Variants in WNT7A observed in about 807,000 individuals in gnomAD.
The protein encoded by WNT7A is protein Wnt-7a.
Under a neutral mutation model 28.2 loss-of-function variants are expected in WNT7A, and 16 were observed. The ratio of observed to expected loss-of-function variants is 0.57; its 90% CI spans 0.38 to 0.86. The LOEUF is 0.86. Ranked by LOEUF, WNT7A falls within the 40% of genes least tolerant of loss-of-function variation. The pLI, the probability that WNT7A is intolerant of heterozygous loss-of-function variation, is 0.00. For synonymous variants in WNT7A, 190 were observed against 195.9 expected (o/e 0.97, Z 0.25); for missense variants, 411 against 489.7 (o/e 0.84, Z 1.52).
chr3:13,868,759 A>AAAGAAAGAAAGG (rs1559307208), intron 2 of WNT7A, among the ~76,000 whole-genome samples: 6 of 135,820 alleles, frequency 4.4e-5, no homozygotes, highest in African/African-American at 1.9e-4. Flanking sequence ...GAAAGGAGGG[A>AAAGAAAGAAAGG]AGGGAAGGGA....
intron 2 of WNT7A, among the ~76,000 whole-genome samples, chr3:13,857,386 C>T (rs1559303547): frequency 6.6e-6 from 1 of 152,242 alleles, no homozygotes; most frequent in East Asian, 1.9e-4. Context: ...GATAGATCCT[C>T]GGGCAAAGAA....
At position 13,879,790 on chromosome 3, in the gene WNT7A, C is replaced by T. The variant is rs766370028; in HGVS notation, c.27G>A (p.Leu9=). ...TGCCCAGGCTGAGAAAGAGGTGGCC[C>T]AGGCAGCGCCGCGCTTTCCGGTTCA... MNRKARRC[L]GHLFLSLGMV... is the part of the protein sequence containing the mutation. The change falls in exon 1 of 4, where the codon CTG becomes CTA. Residue 9 remains leucine, a synonymous_variant. Transcript: ENST00000285018. 2.5e-6 allele frequency: 4 copies of T among 1,612,324 alleles called. No individual in the cohort carries two copies. The highest frequency in any genetic ancestry group is 3.4e-6 in the Non-Finnish European group (4 of 1,179,162).
At chr3:13,838,651 C>T (rs550384146) in intron 3 of WNT7A, among the ~76,000 whole-genome samples, 1 of 152,224 alleles carries the variant, frequency 6.6e-6, no homozygotes, top group South Asian at 2.1e-4. Context: ...CTGGTTGGAG[C>T]CCCCAAAGTT....
intron 3 of WNT7A, 32 bp downstream of exon 3, chr3:13,854,500 G>A (rs1694693717): frequency 6.2e-7 from 1 of 1,613,710 alleles, no homozygotes; most frequent in Non-Finnish European, 8.5e-7. Flanking sequence ...ATCTCCGCGA[G>A]CGCCGCCCAG....
At chr3:13,843,143 C>T (rs1694488555) in intron 3 of WNT7A, among the ~76,000 whole-genome samples, 1 of 152,228 alleles carries the variant, frequency 6.6e-6, no homozygotes, top group South Asian at 2.1e-4. Context: ...GCACACTCTA[C>T]AGCCAGCGAA....
At position 13,818,471 on chromosome 3, in the gene WNT7A, C is replaced by T. The variant is rs1007325145; in HGVS notation, c.*473G>A. Reference sequence around the variant, plus strand: ...CTGCAAAATCAGCTAGTAGAAATATCTGCATAAAGAATAGTTATGTACACT... The same window carrying T: ...CTGCAAAATCAGCTAGTAGAAATATTTGCATAAAGAATAGTTATGTACACT... On this transcript the variant is annotated 3_prime_UTR_variant, in exon 4 of 4. Coordinates refer to ENST00000285018, the MANE Select transcript of WNT7A (RefSeq NM_004625.4). The T allele has an allele frequency of 3.3e-5, 5 of 151,500 alleles. No individual in the cohort carries two copies. The highest frequency in any genetic ancestry group is 1.2e-4 in the African/African-American group (5 of 41,148). 9.4% of individuals were successfully genotyped at this position (151,500 alleles called of 1,614,324 possible).
At chr3:13,838,153 TG>T (rs76256831) in intron 3 of WNT7A, among the ~76,000 whole-genome samples, 1 of 151,904 alleles carries the variant, frequency 6.6e-6, no homozygotes, top group Non-Finnish European at 1.5e-5. Flanking sequence ...GCAGAGCAGG[TG>T]GGGGGCATGG....
At chr3:13,823,718 T>C (rs1349419170) in intron 3 of WNT7A, among the ~76,000 whole-genome samples, 1 of 152,190 alleles carries the variant, frequency 6.6e-6, no homozygotes, top group African/African-American at 2.4e-5. Flanking sequence ...TCACAATATA[T>C]GAGAAAAATA....
chr3:13,876,855 C>T (rs961564897), intron 1 of WNT7A: 2 of 152,260 alleles, frequency 1.3e-5, no homozygotes, highest in African/African-American at 4.8e-5. Flanking sequence ...CCTCCCTCCC[C>T]TCCCTACCCC....
chr3:13,818,368 A>AAAAAAAAAAAAAAAAAAAAAAAAAAAC lies in WNT7A; in HGVS notation c.*575_*576insGTTTTTTTTTTTTTTTTTTTTTTTTTT, dbSNP rs1575056906. 1 of 150,044 alleles carries AAAAAAAAAAAAAAAAAAAAAAAAAAAC rather than the reference A, an allele frequency of 6.7e-6. No homozygotes were observed. Among genetic ancestry groups the AAAAAAAAAAAAAAAAAAAAAAAAAAAC allele is most frequent in the Non-Finnish European group, 1.5e-5 (1 of 67,604 alleles). The allele number at this position is 150,044 out of a possible 1,614,324, so 9.3% of individuals were successfully genotyped here. ...GCAAACAGCAAAAAAAAAAAAAAAA[A>AAAAAAAAAAAAAAAAAAAAAAAAAAAC]TGTGTGTGTGTATATCTATATATGC... On this transcript the variant is annotated 3_prime_UTR_variant, in exon 4 of 4. Coordinates refer to ENST00000285018, the MANE Select transcript of WNT7A (RefSeq NM_004625.4).
At chr3:13,839,902 G>C (rs1431751647) in intron 3 of WNT7A, among the ~76,000 whole-genome samples, 1 of 152,240 alleles carries the variant, frequency 6.6e-6, no homozygotes, top group African/African-American at 2.4e-5. Flanking sequence ...AGCCAGGAGG[G>C]AGCAGGGCTG....
At chr3:13,870,852 G>T (rs574938008) in intron 2 of WNT7A, among the ~76,000 whole-genome samples, 6 of 152,202 alleles carry the variant, frequency 3.9e-5, no homozygotes, top group Non-Finnish European at 5.9e-5. Context: ...CCATGCCCTG[G>T]CTCTCCAGTT....
intron 3 of WNT7A, among the ~76,000 whole-genome samples, chr3:13,835,327 C>T (rs1369506344): frequency 2.0e-5 from 3 of 152,210 alleles, no homozygotes; most frequent in Admixed American, 6.5e-5. Flanking sequence ...AGGGTGGGGG[C>T]TCAGTCAGGT....
chr3:13,857,682 C>T (rs1421466819), intron 2 of WNT7A, among the ~76,000 whole-genome samples: 1 of 152,084 alleles, frequency 6.6e-6, no homozygotes, highest in Admixed American at 6.6e-5. Context: ...ACCCCAGGCA[C>T]CAGCTCACAC....
intron 3 of WNT7A, among the ~76,000 whole-genome samples, chr3:13,837,994 G>A (rs948105051): frequency 1.3e-5 from 2 of 152,194 alleles, no homozygotes; most frequent in East Asian, 1.9e-4. Context: ...AACAGCCCCC[G>A]GATGTGTGTG....
intron 2 of WNT7A, among the ~76,000 whole-genome samples, chr3:13,870,354 C>G (rs1695011457): frequency 6.6e-6 from 1 of 152,142 alleles, no homozygotes; most frequent in South Asian, 2.1e-4. Flanking sequence ...TGTGAGAACC[C>G]AGGGAGAAGG....
chr3:13,868,692 GAAAGAAAGAAAGAAAGAAAGAAAGAAAGA>G (rs1694960761), intron 2 of WNT7A, among the ~76,000 whole-genome samples: 1 of 20,092 alleles, frequency 5.0e-5, no homozygotes, highest in Non-Finnish European at 8.4e-5. Flanking sequence ...GAGAGAGAGA[GAAAGAAAGAAAGAAAGAAAGAAAGAAAGA>G]AAGAAAGAAA....
At chr3:13,879,215 C>T (rs1695167058) in intron 1 of WNT7A, among the ~76,000 whole-genome samples, 1 of 152,206 alleles carries the variant, frequency 6.6e-6, no homozygotes, top group Admixed American at 6.5e-5. Flanking sequence ...ATGTTTTTGC[C>T]AGCGAATGTC....
chr3:13,871,369 T>G (rs1409792278), intron 2 of WNT7A, among the ~76,000 whole-genome samples: 1 of 152,140 alleles, frequency 6.6e-6, no homozygotes, highest in East Asian at 1.9e-4. Flanking sequence ...TGCTTCTTGA[T>G]GTCCTGGAGC....
Sources: gnomAD v4.1 joint callset for allele counts (sites outside exome capture counted in the v4.1 genomes callset) on GRCh38, gnomAD v4.1.1 for gene constraint, MANE v1.5 for transcripts, NCBI Gene and HGNC (gene_info 2026-07-23, HGNC 2026-07-21) for gene names.